Variants in PALM2AKAP2 observed in about 807,000 individuals in gnomAD.
PALM2AKAP2 encodes the protein PALM2-AKAP2 fusion protein.
Under a neutral mutation model 71.5 loss-of-function variants are expected in PALM2AKAP2, and 37 were observed. The observed-to-expected ratio is 0.52, with a 90% CI of 0.40 to 0.68. PALM2AKAP2 has a LOEUF of 0.68. PALM2AKAP2 is among the 30% of genes least tolerant of loss of function. The pLI is 0.00. For synonymous variants in PALM2AKAP2, 468 were observed against 478.8 expected, an observed-to-expected ratio of 0.98 and a Z score of 0.29; for missense variants, 1,224 against 1,191.8, an observed-to-expected ratio of 1.03 and a Z score of -0.40.
intron 1 of PALM2AKAP2, among the ~76,000 whole-genome samples, chr9:109,841,503 C>A (rs1323263056): frequency 1.6e-4 from 6 of 38,496 alleles, no homozygotes; most frequent in Non-Finnish European, 2.5e-4. Flanking sequence ...TACCCTAGAA[C>A]TTAAAGTATA....
At chr9:109,784,065 A>C (rs1189145622) in intron 1 of PALM2AKAP2, among the ~76,000 whole-genome samples, 1 of 152,246 alleles carries the variant, frequency 6.6e-6, no homozygotes, top group Non-Finnish European at 1.5e-5. Flanking sequence ...CTACACTCAC[A>C]TGCTCCTTTC....
chr9:110,135,189 A>ATATAT (rs1835831604), intron 1 of PALM2AKAP2, among the ~76,000 whole-genome samples: 1 of 113,332 alleles, frequency 8.8e-6, no homozygotes, highest in African/African-American at 3.4e-5. Flanking sequence ...ATATATATAT[A>ATATAT]AATCAGCCAG....
intron 3 of PALM2AKAP2, among the ~76,000 whole-genome samples, chr9:109,886,294 C>G (rs867106081): frequency 6.6e-6 from 1 of 152,062 alleles, no homozygotes; most frequent in Non-Finnish European, 1.5e-5. Flanking sequence ...TTGATACTTT[C>G]GGAGATTGTA....
At chr9:110,107,412 G>T (rs944882343) in intron 1 of PALM2AKAP2, among the ~76,000 whole-genome samples, 15 of 152,206 alleles carry the variant, frequency 9.9e-5, no homozygotes, top group African/African-American at 3.6e-4. Context: ...AAGAAAAAAT[G>T]TGAGTTTAGA....
chr9:109,970,748 C>G (rs1355995225), intron 6 of PALM2AKAP2, among the ~76,000 whole-genome samples: 1 of 152,178 alleles, frequency 6.6e-6, no homozygotes, highest in Non-Finnish European at 1.5e-5. Context: ...TTTGTAAAGA[C>G]TGAAGTTAAT....
chr9:109,982,082 T>A (rs1588043461), intron 6 of PALM2AKAP2, among the ~76,000 whole-genome samples: 1 of 152,054 alleles, frequency 6.6e-6, no homozygotes, highest in Non-Finnish European at 1.5e-5. Flanking sequence ...ATAAAGAAAA[T>A]GTGGTACGTG....
intron 1 of PALM2AKAP2, among the ~76,000 whole-genome samples, chr9:109,677,441 G>A (rs1482369785): frequency 6.6e-6 from 1 of 152,158 alleles, no homozygotes; most frequent in East Asian, 1.9e-4. Flanking sequence ...GCCGAGGCTG[G>A]TGGATCACCT....
chr9:109,997,203 A>T (rs889857765), intron 6 of PALM2AKAP2, among the ~76,000 whole-genome samples: 2 of 152,092 alleles, frequency 1.3e-5, no homozygotes, highest in African/African-American at 4.8e-5. Context: ...AAAATAAATA[A>T]ATATATAATA....
intron 1 of PALM2AKAP2, among the ~76,000 whole-genome samples, chr9:110,076,718 C>A (rs1834332416): frequency 6.6e-6 from 1 of 151,956 alleles, no homozygotes; most frequent in Admixed American, 6.6e-5. Flanking sequence ...GGTCCCAAAT[C>A]ATGCACACAT....
chr9:110,022,320 G>C (rs147432243), intron 7 of PALM2AKAP2, among the ~76,000 whole-genome samples: 2 of 151,994 alleles, frequency 1.3e-5, no homozygotes, highest in African/African-American at 2.4e-5. Context: ...AACATACTGA[G>C]ACTCCATCTC....
At position 109,730,559 on chromosome 9, in the gene PALM2AKAP2, T is replaced by C. The variant is rs569005294; in HGVS notation, c.6-49929T>C. On this transcript the variant is annotated intron_variant, in intron 1 of 6. Transcript: ENST00000374531. ...GATAAAGTGGGAAATTCTTCTACAA[T>C]TGGTCTTTGGCTGATTGCTGTGTTT... is the stretch of plus-strand genomic sequence containing the variant. Among the ~76,000 whole-genome samples, 6 of 152,348 alleles carry C rather than the reference T, an allele frequency of 3.9e-5. No homozygotes were observed. In the South Asian group the frequency reaches 1.2e-3, roughly 32 times the overall value.
intron 1 of PALM2AKAP2, among the ~76,000 whole-genome samples, chr9:109,851,193 A>ACAG (rs1829002780): frequency 2.2e-5 from 1 of 45,898 alleles, no homozygotes; most frequent in South Asian, 1.1e-3. Flanking sequence ...AACAACAACA[A>ACAG]CAACAACAAC....
intron 7 of PALM2AKAP2, among the ~76,000 whole-genome samples, chr9:110,018,931 A>G (rs927371917): frequency 3.9e-5 from 6 of 152,142 alleles, no homozygotes; most frequent in African/African-American, 9.7e-5. Flanking sequence ...AGAAATGCAA[A>G]TTAAAACCGC....
intron 2 of PALM2AKAP2, among the ~76,000 whole-genome samples, chr9:109,876,574 G>T (rs1489077133): frequency 6.6e-6 from 1 of 152,090 alleles, no homozygotes; most frequent in Non-Finnish European, 1.5e-5. Context: ...CTGCTTCCTG[G>T]GTTCAAGCAA....
upstream of PALM2AKAP2, among the ~76,000 whole-genome samples, chr9:110,044,540 C>A (rs1235147173): frequency 6.6e-6 from 1 of 150,888 alleles, no homozygotes; most frequent in Admixed American, 6.6e-5. Context: ...TTAGTAGAGA[C>A]GGGGTTGCAC....
intron 3 of PALM2AKAP2, among the ~76,000 whole-genome samples, chr9:109,896,415 C>T (rs1380771232): frequency 2.6e-5 from 4 of 152,066 alleles, no homozygotes; most frequent in Non-Finnish European, 5.9e-5. Context: ...TGACTTCATA[C>T]TGGTGGTGAG....
At chr9:109,881,264 A>G (rs527781567) in intron 3 of PALM2AKAP2, among the ~76,000 whole-genome samples, 1 of 152,296 alleles carries the variant, frequency 6.6e-6, no homozygotes, top group African/African-American at 2.4e-5. Context: ...ACTGGGCTGT[A>G]ATACAGCACA....
At chr9:109,695,823 G>A (rs903762745) in intron 1 of PALM2AKAP2, among the ~76,000 whole-genome samples, 16 of 152,126 alleles carry the variant, frequency 1.1e-4, no homozygotes, top group African/African-American at 3.6e-4. Context: ...AGCTAAAACC[G>A]TAGATCTCAT....
At chr9:109,672,473 GC>G (rs1238680677) in intron 1 of PALM2AKAP2, among the ~76,000 whole-genome samples, 1 of 152,162 alleles carries the variant, frequency 6.6e-6, no homozygotes, top group Non-Finnish European at 1.5e-5. Flanking sequence ...TGATGGATAA[GC>G]TTTTTGATGT....
Sources: allele counts gnomAD v4.1 joint callset (sites outside exome capture counted in the v4.1 genomes callset), GRCh38; gene constraint gnomAD v4.1.1; transcripts MANE v1.5; gene names NCBI Gene and HGNC (gene_info 2026-07-23, HGNC 2026-07-21).